MILR1: variants seen among roughly 807,000 people sequenced by gnomAD.
MILR1 encodes allergin-1.
A neutral mutation model predicts 18.5 loss-of-function variants in MILR1; 31 were observed. The ratio of observed to expected loss-of-function variants is 1.68; its 90% CI spans 1.26 to 2.26. MILR1 has a LOEUF of 2.26. MILR1 is among the 30% of genes most tolerant of loss of function. The pLI is 0.00. For synonymous variants in MILR1, 85 were observed against 56.2 expected, an observed-to-expected ratio of 1.51 and a Z score of -2.30; for missense variants, 257 against 157.4, an observed-to-expected ratio of 1.63 and a Z score of -3.38.
the MILR1 span, chr17:64,496,614 C>T: frequency 5.6e-6 from 9 of 1,613,966 alleles, no homozygotes; most frequent in Non-Finnish European, 7.6e-6. Flanking sequence ...CTGAACACCA[C>T]CACCGAGGTC....
intron 4 of MILR1, 95 bp downstream of exon 4, chr17:64,457,779 G>A (rs2037334054): frequency 8.7e-6 from 4 of 461,532 alleles, no homozygotes; most frequent in African/African-American, 7.9e-5. Context: ...ATGGCCACCT[G>A]ACCTTCCAGG....
At chr17:64,459,488 A>C (rs1381239845) in intron 4 of MILR1, among the ~76,000 whole-genome samples, 5 of 152,178 alleles carry the variant, frequency 3.3e-5, no homozygotes, top group African/African-American at 1.2e-4. Context: ...TAGCAAAGGC[A>C]CAAGGCACAC....
At chr17:64,455,494 C>T (rs941768975) in intron 3 of MILR1, among the ~76,000 whole-genome samples, 61 of 151,986 alleles carry the variant, frequency 4.0e-4, no homozygotes, top group Admixed American at 1.4e-3. Context: ...TGCTCTGTCA[C>T]TCAGGCTGGA....
rs2037331512 is a variant in MILR1, at chr17:64,457,662, C to T, written c.630C>T (p.His210=). The T allele has an allele frequency of 4.2e-6, 2 of 474,916 alleles. No homozygotes were observed. The highest frequency in any genetic ancestry group is 1.3e-4 in the South Asian group (2 of 14,886). The allele number at this position is 474,916 out of a possible 1,614,324, so 29.4% of individuals were successfully genotyped here. The change falls in exon 4 of 10, where the codon CAC becomes CAT. Residue 210 remains histidine (H), a synonymous_variant. Coordinates refer to ENST00000619286, the MANE Select transcript of MILR1 (RefSeq NM_001085423.2). ...NRLPNYATYS[H]PVTMPSTGGD... is the part of the protein sequence containing the mutation. ...TGCCTAACTATGCAACATACAGTCA[C>T]CCTGTCACCATGCCCTCAACAGGTA...
the MILR1 span, among the ~76,000 whole-genome samples, chr17:64,490,252 G>C: frequency 6.6e-6 from 1 of 152,116 alleles, no homozygotes; most frequent in Non-Finnish European, 1.5e-5. Flanking sequence ...CTATTTATTA[G>C]CTTTACACTG....
intron 2 of MILR1, among the ~76,000 whole-genome samples, chr17:64,451,697 G>C (rs1240115118): frequency 1.3e-5 from 2 of 151,988 alleles, no homozygotes; most frequent in African/African-American, 4.8e-5. Context: ...ACTTTGGGAG[G>C]CTGAAGCAGG....
chr17:64,465,330 G>C (rs2037529178), intron 5 of MILR1, 122 bp from the exon 6 acceptor site: 1 of 692,564 alleles, frequency 1.4e-6, no homozygotes, highest in African/African-American at 1.8e-5. Flanking sequence ...ACAACAGTTT[G>C]GGCCATTGGA....
At chr17:64,485,331 C>G in the MILR1 span, 4 of 201,318 alleles carry the variant, frequency 2.0e-5, no homozygotes, top group Non-Finnish European at 2.0e-5. Flanking sequence ...CCATGTGGCA[C>G]AAGACCAGAA....
At chr17:64,475,588 G>A in the MILR1 span, among the ~76,000 whole-genome samples, 1 of 149,934 alleles carries the variant, frequency 6.7e-6, no homozygotes, top group Admixed American at 6.7e-5. Flanking sequence ...GGCGGAGGTT[G>A]CAGTGAGCTG....
chr17:64,463,817 A>ATTTTT (rs1200586705), intron 5 of MILR1, among the ~76,000 whole-genome samples: 2 of 103,920 alleles, frequency 1.9e-5, no homozygotes, highest in African/African-American at 4.0e-5. Flanking sequence ...CTCCTGGCTA[A>ATTTTT]TTTTTTTTTT....
chr17:64,455,374 A>T (rs2037268098), intron 3 of MILR1, among the ~76,000 whole-genome samples: 1 of 152,204 alleles, frequency 6.6e-6, no homozygotes, highest in East Asian at 1.9e-4. Context: ...GAGGCCTAAA[A>T]CATAGTGTTG....
At chr17:64,477,382 AAG>A in the MILR1 span, among the ~76,000 whole-genome samples, 3,824 of 152,306 alleles carry the variant, frequency 0.025, 145 homozygotes, top group African/African-American at 0.087. Context: ...TTTAAAAGGG[AAG>A]AGTGTTGGCT....
chr17:64,497,043 A>AT, the MILR1 span: 1 of 1,440,044 alleles, frequency 6.9e-7, no homozygotes, highest in South Asian at 1.1e-5. Flanking sequence ...CGTTAACAGA[A>AT]TCCGGAGAGG....
rs1275804734 is a variant in MILR1, at chr17:64,460,610, T to C, written c.653-212T>C. On this transcript the variant is annotated intron_variant, in intron 4 of 9. Coordinates refer to ENST00000619286, the MANE Select transcript of MILR1 (RefSeq NM_001085423.2). ...ATCCTCCCACCTTGATCTCCGAAAG[T>C]GCTGGGATTACAGGTGTGAGCCACC... Among the ~76,000 whole-genome samples the C allele has an allele frequency of 2.0e-5, 3 of 152,284 alleles. No individual in the cohort carries two copies. In the East Asian group the frequency reaches 5.8e-4, roughly 29 times the overall value.
chr17:64,491,599 T>A, the MILR1 span: 1 of 1,545,118 alleles, frequency 6.5e-7, no homozygotes, highest in Non-Finnish European at 8.9e-7. Flanking sequence ...TGGATCTTGA[T>A]GTGGGACTTC....
the MILR1 span, chr17:64,496,464 C>A: frequency 1.2e-6 from 2 of 1,601,858 alleles, no homozygotes; most frequent in Non-Finnish European, 8.5e-7. Context: ...TCAAGAAATG[C>A]TACTAGCTGT....
downstream of MILR1, among the ~76,000 whole-genome samples, chr17:64,469,635 G>A (rs2037656854): frequency 6.6e-6 from 1 of 152,150 alleles, no homozygotes; most frequent in South Asian, 2.1e-4. Context: ...CTGACCTCAA[G>A]TGATCCGCCC....
At chr17:64,482,978 A>C in the MILR1 span, 1 of 1,605,106 alleles carries the variant, frequency 6.2e-7, no homozygotes, top group Non-Finnish European at 8.5e-7. Context: ...ATAGGGGCTA[A>C]ACAAGGGTGA....
the MILR1 span, chr17:64,477,651 G>T: frequency 1.3e-6 from 1 of 790,980 alleles, no homozygotes; most frequent in Non-Finnish European, 1.8e-6. Context: ...TTTGTTTCTT[G>T]TAGCTGAACA....
Sources: allele counts gnomAD v4.1 joint callset (sites outside exome capture counted in the v4.1 genomes callset), GRCh38; gene constraint gnomAD v4.1.1; transcripts MANE v1.5; gene names NCBI Gene and HGNC (gene_info 2026-07-23, HGNC 2026-07-21).